Variants in PHLPP1 observed in about 807,000 individuals in gnomAD.
PHLPP1 encodes PH domain and leucine rich repeat protein phosphatase 1, also known as PH domain leucine-rich repeat-containing protein phosphatase 1.
In PHLPP1, 42 loss-of-function variants were observed where a neutral mutation model predicts 117.2. The observed-to-expected ratio is 0.36, with a 90% CI of 0.28 to 0.46. PHLPP1 has a LOEUF of 0.46. PHLPP1 is among the 20% of genes least tolerant of loss of function. The pLI is 1.00. For missense variants in PHLPP1, 2,084 were observed against 2,241.9 expected, an observed-to-expected ratio of 0.93 and a Z score of 1.42; for synonymous variants, 1,042 against 970.7, an observed-to-expected ratio of 1.07 and a Z score of -1.37.
chr18:62,965,864 AACT>A (rs1342496926), intron 14 of PHLPP1, among the ~76,000 whole-genome samples: 1 of 151,852 alleles, frequency 6.6e-6, no homozygotes, highest in East Asian at 1.9e-4. Flanking sequence ...AAGAAAAAAA[AACT>A]ACGTTACTGT....
intron 4 of PHLPP1, among the ~76,000 whole-genome samples, chr18:62,861,146 C>G (rs1012318083): frequency 4.6e-5 from 7 of 152,228 alleles, no homozygotes; most frequent in East Asian, 1.9e-4. Flanking sequence ...GAGTCTTGCT[C>G]TGTCTCAGGC....
intron 1 of PHLPP1, among the ~76,000 whole-genome samples, chr18:62,806,027 A>G (rs951418356): frequency 3.3e-5 from 5 of 152,132 alleles, no homozygotes; most frequent in Admixed American, 2.0e-4. Context: ...CTTTTGTAGT[A>G]TTCTAAATGC....
intron 13 of PHLPP1, among the ~76,000 whole-genome samples, chr18:62,961,573 A>G (rs981259179): frequency 6.6e-6 from 1 of 152,226 alleles, no homozygotes; most frequent in Non-Finnish European, 1.5e-5. Flanking sequence ...TCAGGATGGT[A>G]TCTAAGAGCC....
intron 1 of PHLPP1, among the ~76,000 whole-genome samples, chr18:62,766,060 C>CAAAAAAAAAAAAAAAA (rs1168861892): frequency 2.0e-4 from 3 of 15,222 alleles, no homozygotes; most frequent in African/African-American, 7.0e-4. Context: ...GACTCCATCT[C>CAAAAAAAAAAAAAAAA]AAAAAAAAAA....
intron 8 of PHLPP1, among the ~76,000 whole-genome samples, chr18:62,912,223 A>G (rs2144414995): frequency 6.7e-6 from 1 of 150,096 alleles, no homozygotes; most frequent in African/African-American, 2.4e-5. Flanking sequence ...TAGTGGGTGC[A>G]GCGCACTAGC....
At chr18:62,737,709 A>G (rs545546899) in intron 1 of PHLPP1, among the ~76,000 whole-genome samples, 2 of 152,162 alleles carry the variant, frequency 1.3e-5, no homozygotes, top group African/African-American at 4.8e-5. Context: ...TGCAGTTGTG[A>G]TAGGGTCGGT....
intron 3 of PHLPP1, among the ~76,000 whole-genome samples, chr18:62,843,947 C>T (rs1365056586): frequency 6.6e-6 from 1 of 152,112 alleles, no homozygotes; most frequent in African/African-American, 2.4e-5. Context: ...GTTGATTGAT[C>T]CTATGAATTC....
At chr18:62,897,597 C>A (rs571250416) in intron 6 of PHLPP1, among the ~76,000 whole-genome samples, 1 of 152,198 alleles carries the variant, frequency 6.6e-6, no homozygotes, top group East Asian at 1.9e-4. Flanking sequence ...ACCTCCACCT[C>A]CTGGGTTCAA....
intron 12 of PHLPP1, among the ~76,000 whole-genome samples, chr18:62,946,765 A>G (rs1219155063): frequency 6.6e-6 from 1 of 152,058 alleles, no homozygotes; most frequent in Non-Finnish European, 1.5e-5. Context: ...ATAAATTTCC[A>G]GAATTTGGCT....
intron 1 of PHLPP1, chr18:62,825,541 GCCTTGACTT>G (rs1318052802): frequency 6.6e-6 from 1 of 151,064 alleles, no homozygotes; most frequent in Non-Finnish European, 1.5e-5. Context: ...GTGCACTGCA[GCCTTGACTT>G]CCTGGGCTCA....
intron 4 of PHLPP1, among the ~76,000 whole-genome samples, chr18:62,862,228 C>T (rs1457354864): frequency 1.3e-5 from 2 of 151,830 alleles, no homozygotes. Context: ...TACAGGCGCT[C>T]CCCCAACACC....
chr18:62,874,651 ACG>A (rs141876253), intron 4 of PHLPP1, among the ~76,000 whole-genome samples: 2,278 of 134,164 alleles, frequency 0.017, 68 homozygotes, highest in African/African-American at 0.064. Context: ...GCGCGCACGC[ACG>A]CGCGCACACA....
Position 62,940,283 on chromosome 18 carries a change from T to G in PHLPP1, c.2961-1435T>G, listed in dbSNP as rs559222217. Reference sequence around the variant, plus strand: ...TCACCGTGGAGGATTTTTTTTTTTTTGGGCAATTTTACTTATCTTAGTTAT... The same window carrying G: ...TCACCGTGGAGGATTTTTTTTTTTTGGGGCAATTTTACTTATCTTAGTTAT... On this transcript the variant is annotated intron_variant, in intron 10 of 16. Transcript: ENST00000262719. 3.0e-3 allele frequency among the ~76,000 whole-genome samples: 459 copies of G among 151,734 alleles called. 3 individuals carry two copies. Among genetic ancestry groups the G allele is most frequent in the Admixed American group, 0.01 (158 of 15,230 alleles).
intron 1 of PHLPP1, among the ~76,000 whole-genome samples, chr18:62,804,855 T>TGC (rs200566740): frequency 4.8e-4 from 71 of 148,412 alleles, no homozygotes; most frequent in African/African-American, 8.8e-4. Flanking sequence ...TAATATACAC[T>TGC]ATATATTATA....
rs575516004 is a variant in PHLPP1 at position 62,955,566 on chromosome 18, G to A, written c.3325-3063G>A. Reference sequence around the variant, plus strand: ...AGAGACTCTGTCACAGGAGCCTTGGGGAGCAAACAGTCCTGGGCAGAGGGG... The same window carrying A: ...AGAGACTCTGTCACAGGAGCCTTGGAGAGCAAACAGTCCTGGGCAGAGGGG... On this transcript the variant is annotated intron_variant, in intron 12 of 16. Transcript: ENST00000262719. Among the ~76,000 whole-genome samples the A allele has an allele frequency of 2.2e-4, 34 of 152,240 alleles. No homozygotes were observed. In the East Asian group the frequency reaches 5.0e-3, roughly 22 times the overall value.
intron 1 of PHLPP1, among the ~76,000 whole-genome samples, chr18:62,738,138 A>T (rs1258086400): frequency 6.6e-6 from 1 of 152,054 alleles, no homozygotes; most frequent in Non-Finnish European, 1.5e-5. Flanking sequence ...CAGGAAAAAA[A>T]AAACAGTAAA....
intron 7 of PHLPP1, among the ~76,000 whole-genome samples, chr18:62,904,353 T>C (rs1185658444): frequency 6.6e-6 from 1 of 152,186 alleles, no homozygotes; most frequent in Non-Finnish European, 1.5e-5. Flanking sequence ...CAGTAGAGAC[T>C]CTAAAGTGGA....
intron 1 of PHLPP1, among the ~76,000 whole-genome samples, chr18:62,742,649 T>A (rs890866474): frequency 6.6e-6 from 1 of 152,214 alleles, no homozygotes; most frequent in African/African-American, 2.4e-5. Flanking sequence ...TTGGTCAGGC[T>A]GGTCTTGAAT....
intron 2 of PHLPP1, among the ~76,000 whole-genome samples, chr18:62,835,996 G>C (rs996993044): frequency 6.6e-6 from 1 of 151,418 alleles, no homozygotes; most frequent in Admixed American, 6.6e-5. Context: ...GGCCAGGCTG[G>C]TCTCAAACTC....
Sources: allele counts gnomAD v4.1 joint callset (sites outside exome capture counted in the v4.1 genomes callset), GRCh38; gene constraint gnomAD v4.1.1; transcripts MANE v1.5; gene names NCBI Gene and HGNC (gene_info 2026-07-23, HGNC 2026-07-21).